Variants in SEMA3D observed in about 807,000 individuals in gnomAD.
The protein encoded by SEMA3D is semaphorin-3D.
Under a neutral mutation model 100.1 loss-of-function variants are expected in SEMA3D, and 84 were observed. The ratio of observed to expected loss-of-function variants is 0.84; its 90% confidence interval spans 0.70 to 1.01. The LOEUF is 1.01. SEMA3D is among the 50% of genes least tolerant of loss of function. The pLI, the probability that SEMA3D is intolerant of heterozygous loss-of-function variation, is 0.00. For missense variants in SEMA3D, 875 were observed against 934.1 expected, an observed-to-expected ratio of 0.94 and a Z score of 0.82; for synonymous variants, 312 against 320.7, an observed-to-expected ratio of 0.97 and a Z score of 0.29.
intron 2 of SEMA3D, among the ~76,000 whole-genome samples, chr7:85,131,493 T>G (rs1789723867): frequency 6.6e-6 from 1 of 152,008 alleles, no homozygotes; most frequent in African/African-American, 2.4e-5. Context: ...CATATAAAAC[T>G]TTAAAATCAA....
upstream of SEMA3D, among the ~76,000 whole-genome samples, chr7:85,187,757 A>C (rs982457062): frequency 6.6e-6 from 1 of 152,214 alleles, no homozygotes; most frequent in African/African-American, 2.4e-5. Context: ...GATCCTCTTT[A>C]AGCAAAAGTA....
rs575238145 is a variant in SEMA3D at position 85,141,961 on chromosome 7, A to G, written c.-41+11647T>C. 4.7e-5 allele frequency: 46 copies of G among 982,444 alleles called. 2 individuals carry two copies. In the East Asian group the frequency reaches 1.3e-3, roughly 27 times the overall value. 60.9% of individuals were successfully genotyped at this position (982,444 alleles called of 1,614,324 possible). A position where few individuals can be genotyped will look rare whatever the true frequency, so the allele number is the denominator to read the frequency against. ...TTTGCACTCAAAAAAAGAGAATAGG[A>G]AAAAGAGTTAAAAAATGCATTAACC... On this transcript the variant is annotated intron_variant, in intron 2 of 18. Coordinates refer to ENST00000284136, the MANE Select transcript of SEMA3D (RefSeq NM_001384900.1).
chr7:85,158,811 T>G (rs1790667226), intron 1 of SEMA3D, among the ~76,000 whole-genome samples: 1 of 152,100 alleles, frequency 6.6e-6, no homozygotes, highest in Admixed American at 6.6e-5. Context: ...CCTTTATTTC[T>G]CAGACCAGCC....
At chr7:85,189,567 G>A (rs911742501), upstream of SEMA3D, among the ~76,000 whole-genome samples, 1 of 152,152 alleles carries the variant, frequency 6.6e-6, no homozygotes, top group Non-Finnish European at 1.5e-5. Flanking sequence ...GATTTAACGA[G>A]TGAGCCTTAA....
chr7:85,031,673 G>A (rs889288553), intron 12 of SEMA3D, among the ~76,000 whole-genome samples: 12 of 151,726 alleles, frequency 7.9e-5, no homozygotes, highest in African/African-American at 1.5e-4. Context: ...GTTTACCTTC[G>A]CTGGGCTTGT....
the SEMA3D span, among the ~76,000 whole-genome samples, chr7:85,193,037 G>A: frequency 2.0e-5 from 3 of 152,110 alleles, no homozygotes; most frequent in Non-Finnish European, 2.9e-5. Flanking sequence ...CAGCATGTAA[G>A]GAGCTTAGCG....
At chr7:85,147,446 G>T (rs1790249487) in intron 2 of SEMA3D, among the ~76,000 whole-genome samples, 1 of 151,842 alleles carries the variant, frequency 6.6e-6, no homozygotes, top group Non-Finnish European at 1.5e-5. Context: ...CACCATGCCT[G>T]GCCTCTGTCA....
At chr7:85,025,566 T>C (rs1365940474) in intron 12 of SEMA3D, among the ~76,000 whole-genome samples, 1 of 152,006 alleles carries the variant, frequency 6.6e-6, no homozygotes, top group African/African-American at 2.4e-5. Flanking sequence ...CAGACAGCTG[T>C]CAAAGGTTTT....
the SEMA3D span, among the ~76,000 whole-genome samples, chr7:85,243,156 CA>C: frequency 6.6e-6 from 1 of 152,164 alleles, no homozygotes; most frequent in African/African-American, 2.4e-5. Flanking sequence ...GATGGAACCT[CA>C]GCAGGTTAAG....
intron 1 of SEMA3D, among the ~76,000 whole-genome samples, chr7:85,177,903 T>C (rs567889769): frequency 3.3e-5 from 5 of 152,300 alleles, no homozygotes; most frequent in African/African-American, 1.2e-4. Flanking sequence ...GTAATCCAAA[T>C]TGTAATACCC....
rs190456524 is a variant in SEMA3D, at chr7:85,114,239, G to A, written c.151+7502C>T. 2.0e-5 allele frequency among the ~76,000 whole-genome samples: 3 copies of A among 152,226 alleles called. No individual in the cohort carries two copies. In the East Asian group the frequency reaches 5.8e-4, roughly 29 times the overall value. ...TGTGTCATAGCTTTTTAAAATTCAG[G>A]AAAAGAGTTTTAAAAGGTGGTATGG... On this transcript the variant is annotated intron_variant, in intron 3 of 18. Transcript: ENST00000284136.
the SEMA3D span, among the ~76,000 whole-genome samples, chr7:85,199,645 C>T: frequency 6.6e-6 from 1 of 152,184 alleles, no homozygotes; most frequent in Non-Finnish European, 1.5e-5. Flanking sequence ...TTGTCCCATG[C>T]ATTCAGCATA....
Position 85,123,593 on chromosome 7 carries a change from A to G in SEMA3D, c.-40-1662T>C, listed in dbSNP as rs1240649635. ...GGAAGTAAAATAAAATCAAATTTTGATGTGTATTATGTTTATACATGATAA... is the reference window on the plus strand; with the variant it reads ...GGAAGTAAAATAAAATCAAATTTTGGTGTGTATTATGTTTATACATGATAA... On this transcript the variant is annotated intron_variant, in intron 2 of 18. Transcript: ENST00000284136. 5.3e-5 allele frequency among the ~76,000 whole-genome samples: 8 copies of G among 152,120 alleles called. No individual in the cohort carries two copies. The South Asian group carries it at 1.0e-3, about 20-fold the overall frequency.
At chr7:85,036,308 TCTTA>T (rs1293191842) in intron 12 of SEMA3D, among the ~76,000 whole-genome samples, 4 of 152,128 alleles carry the variant, frequency 2.6e-5, no homozygotes, top group Admixed American at 1.3e-4. Context: ...TAAAATACAT[TCTTA>T]CTTACATCAT....
intron 2 of SEMA3D, among the ~76,000 whole-genome samples, chr7:85,139,831 C>T (rs1418572571): frequency 7.0e-6 from 1 of 143,704 alleles, no homozygotes; most frequent in Admixed American, 6.9e-5. Flanking sequence ...TTAAGATGTA[C>T]ATTCTATTTC....
the SEMA3D span, among the ~76,000 whole-genome samples, chr7:85,202,328 G>A: frequency 4.0e-5 from 6 of 151,018 alleles, no homozygotes; most frequent in African/African-American, 1.5e-4. Context: ...TTGTTCCTGC[G>A]ATAGCTTACT....
chr7:85,140,097 G>T, intron 2 of SEMA3D: 1 of 354,908 alleles, frequency 2.8e-6, no homozygotes, highest in Non-Finnish European at 3.9e-6. Context: ...ATATATTACT[G>T]CAGACTACTA....
intron 8 of SEMA3D, 42 bp from the exon 9 acceptor site, chr7:85,055,901 A>T (rs766469264): frequency 6.2e-6 from 7 of 1,132,830 alleles, no homozygotes; most frequent in Non-Finnish European, 1.3e-6. Flanking sequence ...ATACTGAAAC[A>T]ATCCAGTCAT....
intron 1 of SEMA3D, among the ~76,000 whole-genome samples, chr7:85,177,536 CT>C (rs1214894338): frequency 6.6e-6 from 1 of 152,000 alleles, no homozygotes; most frequent in Non-Finnish European, 1.5e-5. Context: ...GATGTTGTGT[CT>C]TGTCAATATC....
Sources: gnomAD v4.1 joint callset for allele counts (sites outside exome capture counted in the v4.1 genomes callset) on GRCh38, gnomAD v4.1.1 for gene constraint, MANE v1.5 for transcripts, NCBI Gene and HGNC (gene_info 2026-07-23, HGNC 2026-07-21) for gene names.